Variants in TSPAN18 observed in about 807,000 individuals in gnomAD.
TSPAN18 encodes tetraspanin-18.
In TSPAN18, 14 loss-of-function variants were observed where a neutral mutation model predicts 27.3. The observed-to-expected ratio is 0.51, with a 90% confidence interval of 0.34 to 0.80. TSPAN18 has a LOEUF of 0.80. Ranked by LOEUF, TSPAN18 falls within the 30% of genes least tolerant of loss-of-function variation. The probability of loss-of-function intolerance (pLI) is 0.01; values close to 1 mark genes in which losing one functional copy is unlikely to be tolerated. For missense variants in TSPAN18, 268 were observed against 323.9 expected (o/e 0.83, Z 1.32); for synonymous variants, 143 against 136.5 (o/e 1.05, Z -0.33).
chr11:44,814,393 C>T (rs532635732), intron 2 of TSPAN18, among the ~76,000 whole-genome samples: 2 of 152,278 alleles, frequency 1.3e-5, no homozygotes, highest in East Asian at 1.9e-4. Context: ...TGAGTTTTCT[C>T]ATTTGCTTAT....
At chr11:44,791,167 TC>T (rs1856210344) in intron 2 of TSPAN18, among the ~76,000 whole-genome samples, 1 of 152,086 alleles carries the variant, frequency 6.6e-6, no homozygotes, top group Non-Finnish European at 1.5e-5. Context: ...GGGGTGGTTT[TC>T]TCCCTTTCTC....
chr11:44,736,871 A>G (rs915475516), intron 1 of TSPAN18, among the ~76,000 whole-genome samples: 25 of 152,222 alleles, frequency 1.6e-4, no homozygotes, highest in Non-Finnish European at 1.3e-4. Context: ...AAATGCATAA[A>G]TGTATCTCTT....
At chr11:44,835,427 A>G (rs763977138) in intron 2 of TSPAN18, among the ~76,000 whole-genome samples, 7 of 152,328 alleles carry the variant, frequency 4.6e-5, no homozygotes, top group Non-Finnish European at 8.8e-5. Context: ...TGGAATTTCA[A>G]GCTGAGATCT....
intron 1 of TSPAN18, among the ~76,000 whole-genome samples, chr11:44,731,509 A>C (rs1471073015): frequency 6.6e-6 from 1 of 151,672 alleles, no homozygotes; most frequent in African/African-American, 2.4e-5. Context: ...GTTCACTATC[A>C]TCATCATTGT....
intron 3 of TSPAN18, among the ~76,000 whole-genome samples, chr11:44,900,444 T>C (rs1003228960): frequency 3.3e-5 from 5 of 152,218 alleles, no homozygotes; most frequent in Non-Finnish European, 5.9e-5. Context: ...AAATTCTGGC[T>C]CAGGCACTTC....
chr11:44,845,773 G>C (rs1348353044), intron 2 of TSPAN18, among the ~76,000 whole-genome samples: 1 of 152,224 alleles, frequency 6.6e-6, no homozygotes, highest in African/African-American at 2.4e-5. Flanking sequence ...TCTGCCCTCT[G>C]TGCCGTCTCC....
At chr11:44,846,912 A>C (rs1857497240) in intron 2 of TSPAN18, among the ~76,000 whole-genome samples, 1 of 152,146 alleles carries the variant, frequency 6.6e-6, no homozygotes, top group South Asian at 2.1e-4. Context: ...AATGCCTACT[A>C]TATGCCATGC....
chr11:44,813,377 G>A (rs1316320399), intron 2 of TSPAN18, among the ~76,000 whole-genome samples: 1 of 152,226 alleles, frequency 6.6e-6, no homozygotes, highest in East Asian at 1.9e-4. Context: ...TCCAGAGGGG[G>A]AAAGTGGGAA....
chr11:44,739,624 G>A (rs963153038), intron 1 of TSPAN18, among the ~76,000 whole-genome samples: 3 of 152,180 alleles, frequency 2.0e-5, no homozygotes, highest in Admixed American at 6.5e-5. Flanking sequence ...GCGAGACTCC[G>A]TCTCAAAAAG....
rs1334412240 is a variant in TSPAN18 at position 44,727,011 on chromosome 11, C to G, written c.-516C>G. 6.8e-6 allele frequency: 1 copy of G among 147,144 alleles called. No homozygotes were observed. Among genetic ancestry groups the G allele is most frequent in the East Asian group, 2.0e-4 (1 of 4,946 alleles). The allele number at this position is 147,144 out of a possible 1,614,324, so 9.1% of individuals were successfully genotyped here. The stretch of plus-strand genomic sequence containing the variant: ...CCAGGCTGCGGGGCGGACGTAGCGC[C>G]GAGCGATCCACCGCGGAGCCGCGCG... On this transcript the variant is annotated 5_prime_UTR_variant, in exon 1 of 10. Transcript: ENST00000520358.
At chr11:44,919,425 C>A (rs1860041489) in intron 7 of TSPAN18, 113 bp downstream of exon 7, 4 of 949,858 alleles carry the variant, frequency 4.2e-6, no homozygotes, top group African/African-American at 1.6e-5. Context: ...GATCACAGAC[C>A]TGGCCTTGGA....
chr11:44,831,780 C>A (rs1051678331), intron 2 of TSPAN18, among the ~76,000 whole-genome samples: 7 of 152,114 alleles, frequency 4.6e-5, no homozygotes. Flanking sequence ...AACATGACGT[C>A]ATGCAGTGGT....
At chr11:44,796,211 G>GT (rs1257295274) in intron 2 of TSPAN18, among the ~76,000 whole-genome samples, 2 of 152,306 alleles carry the variant, frequency 1.3e-5, no homozygotes, top group Admixed American at 1.3e-4. Flanking sequence ...TTTGACAACT[G>GT]TAATTTCATT....
chr11:44,854,998 G>A (rs911940986), intron 2 of TSPAN18, among the ~76,000 whole-genome samples: 2 of 152,186 alleles, frequency 1.3e-5, no homozygotes, highest in South Asian at 2.1e-4. Context: ...CATGAGCAAT[G>A]AGAACCCAGC....
At chr11:44,870,115 C>T (rs2135235934) in intron 3 of TSPAN18, among the ~76,000 whole-genome samples, 1 of 152,330 alleles carries the variant, frequency 6.6e-6, no homozygotes, top group African/African-American at 2.4e-5. Context: ...CACACCCTAA[C>T]ATTTGCCTGT....
At chr11:44,755,299 C>G (rs1287583238) in intron 1 of TSPAN18, among the ~76,000 whole-genome samples, 2 of 152,100 alleles carry the variant, frequency 1.3e-5, no homozygotes, top group African/African-American at 4.8e-5. Context: ...AGGAATAGAT[C>G]CCCATCTTTC....
chr11:44,742,236 G>A (rs1009703830), intron 1 of TSPAN18, among the ~76,000 whole-genome samples: 74 of 149,790 alleles, frequency 4.9e-4, no homozygotes, highest in Non-Finnish European at 6.3e-4. Context: ...GCTTCTTGTA[G>A]CCTGCCTCAC....
intron 2 of TSPAN18, among the ~76,000 whole-genome samples, chr11:44,795,903 C>A (rs1161544800): frequency 1.3e-5 from 2 of 152,146 alleles, no homozygotes; most frequent in Non-Finnish European, 2.9e-5. Context: ...GCTCCCAGGC[C>A]TGCTAAATGT....
intron 8 of TSPAN18, 65 bp downstream of exon 8, chr11:44,920,064 G>C: frequency 6.6e-7 from 1 of 1,511,332 alleles, no homozygotes; most frequent in East Asian, 2.3e-5. Flanking sequence ...AGAGCTGGGT[G>C]GGAGGCGCTA....
Sources: allele counts gnomAD v4.1 joint callset (sites outside exome capture counted in the v4.1 genomes callset), GRCh38; gene constraint gnomAD v4.1.1; transcripts MANE v1.5; gene names NCBI Gene and HGNC (gene_info 2026-07-23, HGNC 2026-07-21).